The following BAZ2A variants were observed in gnomAD, a reference collection of about 807,000 sequenced individuals.
The protein encoded by BAZ2A is bromodomain adjacent to zinc finger domain 2A, also known as bromodomain adjacent to zinc finger domain protein 2A.
BAZ2A carries 34 observed loss-of-function variants against 199.9 expected under a neutral mutation model. That is an observed-to-expected ratio of 0.17 (90% CI 0.13 to 0.23). The LOEUF is 0.23. BAZ2A is among the 10% of genes least tolerant of loss of function. BAZ2A has a pLI of 1.00. For synonymous variants in BAZ2A, 857 were observed against 883.9 expected, an observed-to-expected ratio of 0.97 and a Z score of 0.54; for missense variants, 2,002 against 2,391.1, an observed-to-expected ratio of 0.84 and a Z score of 3.39.
intron 6 of BAZ2A, 61 bp downstream of exon 6, chr12:56,611,712 A>C: frequency 6.5e-7 from 1 of 1,527,500 alleles, no homozygotes; most frequent in Admixed American, 2.2e-5. Flanking sequence ...GGCTAACTAC[A>C]ACATGGGACA....
intron 19 of BAZ2A, 147 bp downstream of exon 19, chr12:56,602,566 G>T: frequency 9.3e-7 from 1 of 1,078,858 alleles, no homozygotes; most frequent in Non-Finnish European, 1.3e-6. Flanking sequence ...GAGCAGGTGG[G>T]TAGGCAGCTT....
chr12:56,599,623 C>A, intron 26 of BAZ2A, 79 bp downstream of exon 26: 1 of 1,596,446 alleles, frequency 6.3e-7, no homozygotes, highest in South Asian at 1.1e-5. Context: ...CAGTCTAGGA[C>A]TCTTTCCAAG....
At chr12:56,625,352 C>T (rs1441029841) in intron 1 of BAZ2A, among the ~76,000 whole-genome samples, 1 of 151,772 alleles carries the variant, frequency 6.6e-6, no homozygotes, top group Admixed American at 6.6e-5. Context: ...GACAGGGTTT[C>T]ACCATGTTGG....
chr12:56,602,049 G>A lies in BAZ2A; in HGVS notation c.3568C>T (p.Pro1190Ser), dbSNP rs772984421. ...ASSPARARGR[P>S]RKTKPGSMQP... Reference sequence around the variant, plus strand: ...ATAGACCCGGGCTTAGTTTTTCGAGGTCGGCCTCGGGCCCGGGCAGGAGAA... The same window carrying A: ...ATAGACCCGGGCTTAGTTTTTCGAGATCGGCCTCGGGCCCGGGCAGGAGAA... The change falls in exon 20 of 29, where the codon CCT (proline) becomes TCT (serine). Residue 1190 changes from proline (P) to serine (S), a missense_variant. By Grantham distance (74) the Pro-to-Ser change is moderately conservative. Coordinates refer to ENST00000549884, the MANE Select transcript of BAZ2A (RefSeq NM_001300905.2). 2.6e-6 allele frequency: 4 copies of A among 1,556,592 alleles called. No individual in the cohort carries two copies. The South Asian group carries it at 4.7e-5, about 18-fold the overall frequency.
Position 56,602,034 on chromosome 12 carries a change from G to A in BAZ2A, c.3583C>T (p.Pro1195Ser), listed in dbSNP as rs1055828683. ...RARGRPRKTK[P>S]GSMQPRHLKS... ...AGATGCCTAGGTTGCATAGACCCGG[G>A]CTTAGTTTTTCGAGGTCGGCCTCGG... The change falls in exon 20 of 29, where the codon CCC becomes TCC. Residue 1195 changes from proline (P) to serine (S), a missense_variant. By Grantham distance (74) the Pro-to-Ser change is moderately conservative. Around this residue, in one of 6 missense-constraint regions of BAZ2A, gnomAD observed 1,081 missense variants for 1,274.7 expected, o/e 0.85. Transcript: ENST00000549884. 5.1e-6 allele frequency: 8 copies of A among 1,554,908 alleles called. No individual in the cohort carries two copies. The highest frequency in any genetic ancestry group is 1.2e-5 in the South Asian group (1 of 84,626).
intron 8 of BAZ2A, 89 bp downstream of exon 8, chr12:56,610,320 T>C (rs1950520167): frequency 6.4e-7 from 1 of 1,571,728 alleles, no homozygotes; most frequent in Non-Finnish European, 8.7e-7. Flanking sequence ...TGCCAGCCTG[T>C]TGTCACTGAG....
intron 16 of BAZ2A, 61 bp downstream of exon 16, chr12:56,604,156 C>T: frequency 3.4e-6 from 5 of 1,491,034 alleles, no homozygotes; most frequent in Non-Finnish European, 4.6e-6. Flanking sequence ...AAAACCCTGG[C>T]TATGCTTCAC....
upstream of BAZ2A, among the ~76,000 whole-genome samples, chr12:56,633,154 C>G (rs1951359578): frequency 6.6e-6 from 1 of 152,182 alleles, no homozygotes; most frequent in African/African-American, 2.4e-5. Context: ...CTTTCTCACC[C>G]TCCCTGTGTT....
upstream of BAZ2A, among the ~76,000 whole-genome samples, chr12:56,637,000 A>T (rs775553689): frequency 6.6e-6 from 1 of 152,184 alleles, no homozygotes; most frequent in Non-Finnish European, 1.5e-5. Context: ...TCTGAATTGG[A>T]GCTCAGCTTG....
chr12:56,609,646 C>T, intron 10 of BAZ2A, 90 bp downstream of exon 10: 1 of 1,331,080 alleles, frequency 7.5e-7, no homozygotes, highest in Non-Finnish European at 1.1e-6. Context: ...GTTAGTTACA[C>T]TCCTGGGAAA....
intron 18 of BAZ2A, 80 bp downstream of exon 18, chr12:56,603,278 TA>T: frequency 6.9e-7 from 1 of 1,453,820 alleles, no homozygotes; most frequent in Non-Finnish European, 9.4e-7. Context: ...GAATAAAAAT[TA>T]AAATTCAGTT....
At chr12:56,636,282 G>A in exon 1 of BAZ2A, 4 of 1,539,098 alleles carry the variant, frequency 2.6e-6, no homozygotes, top group Non-Finnish European at 3.5e-6. Context: ...CTCCCAAACT[G>A]TGAGCTGGGA....
At chr12:56,634,926 G>A (rs1012961443), upstream of BAZ2A, 1 of 985,212 alleles carries the variant, frequency 1.0e-6, no homozygotes, top group African/African-American at 1.7e-5. Flanking sequence ...CGGAGCTGGA[G>A]GTGGGTGCCG....
chr12:56,619,747 G>C (rs1182177235), intron 1 of BAZ2A, among the ~76,000 whole-genome samples: 1 of 152,124 alleles, frequency 6.6e-6, no homozygotes, highest in Non-Finnish European at 1.5e-5. Context: ...GGTGGCTCAT[G>C]CCTGTAATCC....
At position 56,596,756 on chromosome 12, in the gene BAZ2A, C is replaced by T. The variant is rs1885873504; in HGVS notation, c.*1862G>A. Reference sequence around the variant, plus strand: ...AAGTCAATTCAAATATTCTTCAATCCACCTCTTAAAAGCAAAAAAAAATCT... The same window carrying T: ...AAGTCAATTCAAATATTCTTCAATCTACCTCTTAAAAGCAAAAAAAAATCT... On this transcript the variant is annotated 3_prime_UTR_variant, in exon 29 of 29. Transcript: ENST00000549884. The T allele has an allele frequency of 6.6e-6, 1 of 152,356 alleles. No homozygotes were observed. The highest frequency in any genetic ancestry group is 2.1e-4 in the South Asian group (1 of 4,828). The allele number at this position is 152,356 out of a possible 1,614,324, so 9.4% of individuals were successfully genotyped here. A position where few individuals can be genotyped will look rare whatever the true frequency, so the allele number is the denominator to read the frequency against.
intron 10 of BAZ2A, among the ~76,000 whole-genome samples, chr12:56,608,710 C>T (rs1285753356): frequency 3.3e-5 from 5 of 151,628 alleles, no homozygotes; most frequent in Non-Finnish European, 7.4e-5. Context: ...GCTGGGATTA[C>T]AGGCATGCGC....
chr12:56,602,935 A>G (rs1270628984), intron 18 of BAZ2A, 78 bp from the exon 19 acceptor site: 43 of 1,450,976 alleles, frequency 3.0e-5, no homozygotes, highest in Non-Finnish European at 4.0e-5. Context: ...TATATCAGAG[A>G]AAGGCAATGG....
Position 56,611,970 on chromosome 12 carries a change from G to A in BAZ2A, c.1412C>T (p.Ser471Phe). 1 of 1,613,458 alleles carries A rather than the reference G, an allele frequency of 6.2e-7. No homozygotes were observed. Among genetic ancestry groups the A allele is most frequent in the African/African-American group, 1.3e-5 (1 of 75,032 alleles). ...GGAGACTGCTGGGAGGACTGCTGAG[G>A]AAGCTGGAGAGACCACTGAGAAGAC... ...PAVFSVVSPA[S>F]SAVLPAVSLE... is the part of the protein sequence containing the mutation. The change falls in exon 6 of 29, where the codon TCC becomes TTC. Residue 471 changes from serine (S) to phenylalanine (F), a missense_variant. Around this residue, in one of 6 missense-constraint regions of BAZ2A, gnomAD observed 641 missense variants for 694.5 expected, o/e 0.92. Coordinates refer to ENST00000549884, the MANE Select transcript of BAZ2A (RefSeq NM_001300905.2).
intron 1 of BAZ2A, among the ~76,000 whole-genome samples, chr12:56,625,776 T>C (rs1010462851): frequency 1.1e-4 from 16 of 146,232 alleles, no homozygotes; most frequent in Non-Finnish European, 3.0e-5. Context: ...CACGGGAGGC[T>C]GAGGCAGGAG....
Sources: gnomAD v4.1 joint callset for allele counts (sites outside exome capture counted in the v4.1 genomes callset) on GRCh38, gnomAD v4.1.1 for gene constraint, gnomAD v4.1.1 regional missense constraint, MANE v1.5 for transcripts, NCBI Gene and HGNC (gene_info 2026-07-23, HGNC 2026-07-21) for gene names.